The following LCP1 variants were observed in gnomAD, a reference collection of about 807,000 sequenced individuals.
The protein encoded by LCP1 is plastin-2.
Under a neutral mutation model 72.0 loss-of-function variants are expected in LCP1, and 23 were observed. The observed-to-expected ratio is 0.32, with a 90% CI of 0.23 to 0.45. The LOEUF (loss-of-function observed/expected upper bound fraction) is 0.45. Among genes scored for constraint, LCP1 ranks in the 20% least tolerant of loss-of-function variants. The probability of loss-of-function intolerance (pLI) is 1.00; values close to 1 mark genes in which losing one functional copy is unlikely to be tolerated. For missense variants in LCP1, 571 were observed against 748.3 expected (o/e 0.76, Z 2.76); for synonymous variants, 245 against 275.4 (o/e 0.89, Z 1.09).
At chr13:46,143,524 G>C (rs1360797874) in intron 11 of LCP1, 120 bp from the exon 12 acceptor site, 3 of 634,200 alleles carry the variant, frequency 4.7e-6, no homozygotes, top group Non-Finnish European at 8.4e-6. Flanking sequence ...CTGCACACTT[G>C]GTAGTCGTAG....
intron 11 of LCP1, among the ~76,000 whole-genome samples, chr13:46,144,150 T>C (rs2045715799): frequency 6.6e-6 from 1 of 152,196 alleles, no homozygotes; most frequent in Admixed American, 6.5e-5. Context: ...ACTTAACATC[T>C]GTTGTTTTGC....
At chr13:46,160,875 T>A (rs1456480717) in intron 1 of LCP1, among the ~76,000 whole-genome samples, 3 of 151,822 alleles carry the variant, frequency 2.0e-5, no homozygotes, top group East Asian at 3.9e-4. Context: ...GTTATCGATT[T>A]AAAAAAAAAT....
At chr13:46,164,399 G>A (rs73189831) in intron 1 of LCP1, among the ~76,000 whole-genome samples, 20,662 of 152,082 alleles carry the variant, frequency 0.14, 1,710 homozygotes, top group South Asian at 0.24. Flanking sequence ...GAAAGTACAT[G>A]TATTTTAAAA....
intron 14 of LCP1, among the ~76,000 whole-genome samples, chr13:46,131,180 G>A (rs2045632072): frequency 6.6e-6 from 1 of 152,130 alleles, no homozygotes; most frequent in Non-Finnish European, 1.5e-5. Flanking sequence ...TAAATGGAAG[G>A]AAGTTAGCAC....
Position 46,126,536 on chromosome 13 carries a change from A to T in LCP1, c.*1055T>A, listed in dbSNP as rs551522129. 4.3e-6 allele frequency: 1 copy of T among 232,284 alleles called. No individual in the cohort carries two copies. Among genetic ancestry groups the T allele is most frequent in the South Asian group, 1.8e-4 (1 of 5,522 alleles). 14.4% of individuals were successfully genotyped at this position (232,284 alleles called of 1,614,324 possible). On this transcript the variant is annotated 3_prime_UTR_variant, in exon 16 of 16. Transcript: ENST00000323076. ...CCCCTGGAGTTTAGGGGTGGCAGAA[A>T]GCTTTTATAGTACCAAAAAAGTAAA... is the stretch of plus-strand genomic sequence containing the variant.
intron 7 of LCP1, among the ~76,000 whole-genome samples, chr13:46,151,762 T>C (rs189022064): frequency 6.6e-6 from 1 of 152,342 alleles, no homozygotes; most frequent in East Asian, 1.9e-4. Context: ...GATTTGGACA[T>C]ATAAATAAAA....
intron 13 of LCP1, among the ~76,000 whole-genome samples, chr13:46,135,393 C>T (rs547390940): frequency 1.3e-5 from 2 of 152,266 alleles, no homozygotes; most frequent in East Asian, 3.9e-4. Flanking sequence ...ATTCAGGTCA[C>T]CCTCCACTTG....
chr13:46,150,913 T>C lies in LCP1; in HGVS notation c.882+23A>G. On this transcript the variant is annotated intron_variant, in intron 8 of 15. Transcript: ENST00000323076. ...TCCCCTTCACTCCTGCAGAGAGTCATGTTCAAACAACGCTCCTCCTACCTT... is the reference window on the plus strand; with the variant it reads ...TCCCCTTCACTCCTGCAGAGAGTCACGTTCAAACAACGCTCCTCCTACCTT... 4.4e-6 allele frequency: 7 copies of C among 1,608,908 alleles called. No individual in the cohort carries two copies. In the South Asian group the frequency reaches 6.6e-5, roughly 15 times the overall value.
rs1397216039 is a variant in LCP1, at chr13:46,159,671, G to A, written c.-9C>T. On this transcript the variant is annotated 5_prime_UTR_variant, in exon 2 of 16. Transcript: ENST00000323076. ...ACTGATCCTCTGGCCATTTTTTATT[G>A]CTTTAGGTAACAGATCTGGAGAGAA... 1.9e-6 allele frequency: 3 copies of A among 1,611,626 alleles called. No individual in the cohort carries two copies. The South Asian group carries it at 3.3e-5, about 18-fold the overall frequency.
chr13:46,127,844 G>GACTCCAGCCACT, intron 15 of LCP1, 121 bp from the exon 16 acceptor site: 1 of 1,175,336 alleles, frequency 8.5e-7, no homozygotes, highest in Non-Finnish European at 1.2e-6. Flanking sequence ...TGCAGTGGCT[G>GACTCCAGCCACT]GAGTCAGTCA....
intron 1 of LCP1, among the ~76,000 whole-genome samples, chr13:46,180,175 C>A (rs1046408556): frequency 3.3e-5 from 5 of 152,152 alleles, no homozygotes; most frequent in African/African-American, 4.8e-5. Flanking sequence ...TGCCCCCCAC[C>A]CCAACTGCCC....
intron 2 of LCP1, 164 bp downstream of exon 2, chr13:46,159,435 G>A (rs1021333345): frequency 3.3e-6 from 2 of 602,492 alleles, no homozygotes; most frequent in Non-Finnish European, 5.9e-6. Flanking sequence ...TCATTTTATT[G>A]AAGCATATTT....
At chr13:46,165,501 A>G (rs1427503615) in intron 1 of LCP1, among the ~76,000 whole-genome samples, 1 of 152,208 alleles carries the variant, frequency 6.6e-6, no homozygotes, top group African/African-American at 2.4e-5. Flanking sequence ...TTAGTTTGCA[A>G]ATTACTGGCA....
chr13:46,150,202 C>A (rs1236525861), intron 8 of LCP1, among the ~76,000 whole-genome samples: 1 of 152,208 alleles, frequency 6.6e-6, no homozygotes, highest in East Asian at 1.9e-4. Context: ...AAGTATTTTC[C>A]TGGTGTTGCA....
intron 12 of LCP1, chr13:46,142,642 GA>G (rs2045705475): frequency 3.4e-6 from 2 of 583,784 alleles, no homozygotes; most frequent in Admixed American, 2.7e-5. Flanking sequence ...TCATAATGTG[GA>G]AAACTGAAAT....
chr13:46,140,655 C>T (rs1232841794), intron 13 of LCP1, among the ~76,000 whole-genome samples: 3 of 151,952 alleles, frequency 2.0e-5, no homozygotes, highest in Admixed American at 6.6e-5. Context: ...AAATATGACT[C>T]ATAATGAAGA....
In LCP1 at chr13:46,152,761, C is replaced by T; in HGVS notation, c.739+19G>A. ...ATTAGAAAGCTGTGTCATAAATGAC[C>T]TTTGGGACTTGCTCTTACCTTCATT... is the stretch of plus-strand genomic sequence containing the variant. On this transcript the variant is annotated intron_variant, in intron 7 of 15. Coordinates refer to ENST00000323076, the MANE Select transcript of LCP1 (RefSeq NM_002298.5). 6.2e-7 allele frequency: 1 copy of T among 1,610,032 alleles called. No homozygotes were observed. The highest frequency in any genetic ancestry group is 8.5e-7 in the Non-Finnish European group (1 of 1,178,558).
At chr13:46,156,652 T>G (rs1438555558) in intron 4 of LCP1, 82 bp from the exon 5 acceptor site, 1 of 1,435,756 alleles carries the variant, frequency 7.0e-7, no homozygotes, top group South Asian at 1.1e-5. Context: ...TCTTAAATTC[T>G]CATTCCCAGC....
intron 1 of LCP1, among the ~76,000 whole-genome samples, chr13:46,164,939 A>G (rs528335597): frequency 6.6e-6 from 1 of 152,342 alleles, no homozygotes; most frequent in East Asian, 1.9e-4. Flanking sequence ...AGTTACCATT[A>G]AAAGGGCCCC....
Sources: gnomAD v4.1 joint callset for allele counts (sites outside exome capture counted in the v4.1 genomes callset) on GRCh38, gnomAD v4.1.1 for gene constraint, MANE v1.5 for transcripts, NCBI Gene and HGNC (gene_info 2026-07-23, HGNC 2026-07-21) for gene names.